Variants in ZNF398 observed in about 807,000 individuals in gnomAD.
ZNF398 encodes the protein zinc finger protein 398, also known as zinc finger DNA binding protein ZER6.
Under a neutral mutation model 41.9 loss-of-function variants are expected in ZNF398, and 18 were observed. The observed-to-expected ratio is 0.43, with a 90% CI of 0.30 to 0.64. ZNF398 has a LOEUF of 0.64. Ranked by LOEUF, ZNF398 falls within the 30% of genes least tolerant of loss-of-function variation. The pLI is 0.14. For missense variants in ZNF398, 669 were observed against 822.8 expected, an observed-to-expected ratio of 0.81 and a Z score of 2.29; for synonymous variants, 260 against 308.8, an observed-to-expected ratio of 0.84 and a Z score of 1.66.
At chr7:149,151,692 A>C (rs1827118280) in intron 1 of ZNF398, among the ~76,000 whole-genome samples, 1 of 152,132 alleles carries the variant, frequency 6.6e-6, no homozygotes, top group Non-Finnish European at 1.5e-5. Flanking sequence ...AAAAAATAAA[A>C]AAAAAATTAA....
At chr7:149,150,239 G>A (rs1827078349) in intron 1 of ZNF398, among the ~76,000 whole-genome samples, 1 of 152,276 alleles carries the variant, frequency 6.6e-6, no homozygotes, top group Non-Finnish European at 1.5e-5. Flanking sequence ...CATCTTCTGA[G>A]AGTGGGGGCT....
At chr7:149,172,880 C>T (rs1795376574) in intron 4 of ZNF398, among the ~76,000 whole-genome samples, 1 of 152,156 alleles carries the variant, frequency 6.6e-6, no homozygotes, top group African/African-American at 2.4e-5. Flanking sequence ...TAAGTTTACA[C>T]TATGCTATAC....
intron 5 of ZNF398, among the ~76,000 whole-genome samples, chr7:149,177,860 T>C (rs1159123058): frequency 6.6e-6 from 1 of 152,146 alleles, no homozygotes; most frequent in African/African-American, 2.4e-5. Context: ...TTAAATTTTC[T>C]GATGAGGGCT....
At chr7:149,160,715 A>G (rs1004288955) in intron 2 of ZNF398, among the ~76,000 whole-genome samples, 2 of 152,176 alleles carry the variant, frequency 1.3e-5, no homozygotes, top group Non-Finnish European at 2.9e-5. Flanking sequence ...TGAATTAAGT[A>G]TGCTTTGCAT....
rs1200821626 is a variant in ZNF398 at position 149,133,696 on chromosome 7, T to C, written c.-490+4752T>C. Among the ~76,000 whole-genome samples, 7 of 89,576 alleles carry C rather than the reference T, an allele frequency of 7.8e-5. No homozygotes were observed. In the South Asian group the frequency reaches 1.3e-3, roughly 17 times the overall value. 58.8% of individuals were successfully genotyped at this position (89,576 alleles called of 152,430 possible). On this transcript the variant is annotated intron_variant, in intron 2 of 6. Transcript: ENST00000426851. ...ATATATATACATATATATGTGTGTA[T>C]ATATATATACACACATATATATGTA... is the stretch of plus-strand genomic sequence containing the variant.
At chr7:149,161,266 T>G (rs923769339) in intron 2 of ZNF398, among the ~76,000 whole-genome samples, 10 of 152,090 alleles carry the variant, frequency 6.6e-5, no homozygotes, top group African/African-American at 2.4e-4. Flanking sequence ...CAAAAACTAG[T>G]TTTTAGGCCA....
chr7:149,177,951 C>A (rs77948536), intron 5 of ZNF398, among the ~76,000 whole-genome samples: 1,905 of 150,566 alleles, frequency 0.013, 17 homozygotes, highest in Non-Finnish European at 0.02. Context: ...GAGTTCGAGA[C>A]CCCTGGTCAA....
At chr7:149,135,078 C>CT (rs1258894888) in intron 2 of ZNF398, among the ~76,000 whole-genome samples, 1 of 152,076 alleles carries the variant, frequency 6.6e-6, no homozygotes, top group African/African-American at 2.4e-5. Context: ...TTAACAAAGC[C>CT]TAGTTGAAGA....
chr7:149,151,157 A>G, intron 1 of ZNF398: 1 of 1,013,014 alleles, frequency 9.9e-7, no homozygotes, highest in Non-Finnish European at 1.2e-6. Flanking sequence ...CACTAAGCTT[A>G]GAAACCATTG....
intron 2 of ZNF398, among the ~76,000 whole-genome samples, chr7:149,159,054 C>A (rs1400506342): frequency 6.7e-6 from 1 of 150,278 alleles, no homozygotes; most frequent in Non-Finnish European, 1.5e-5. Flanking sequence ...TCTCGGCTCA[C>A]TGCAACTTCC....
At chr7:149,157,566 G>A (rs188394676) in intron 2 of ZNF398, among the ~76,000 whole-genome samples, 2,013 of 137,906 alleles carry the variant, frequency 0.015, 39 homozygotes, top group African/African-American at 0.051. Context: ...CCAGCAGGGC[G>A]CGGTGGCTCA....
chr7:149,140,397 T>C (rs1024774302), intron 2 of ZNF398, among the ~76,000 whole-genome samples: 1 of 152,192 alleles, frequency 6.6e-6, no homozygotes, highest in African/African-American at 2.4e-5. Context: ...AAATACTTTT[T>C]TTTTTGAGAC....
intron 1 of ZNF398, chr7:149,128,780 T>TAAAATAAAATAAAATAAAATAAAACAATA (rs71192757): frequency 7.0e-6 from 1 of 143,420 alleles, no homozygotes; most frequent in Non-Finnish European, 1.5e-5. Context: ...TAAAATAAAA[T>TAAAATAAAATAAAATAAAATAAAACAATA]TATATATATA....
chr7:149,133,033 GACA>G (rs1459978545), intron 2 of ZNF398, among the ~76,000 whole-genome samples: 1 of 151,902 alleles, frequency 6.6e-6, no homozygotes, highest in African/African-American at 2.4e-5. Context: ...CAGCGGTGAG[GACA>G]ACCAGAGGTC....
intron 2 of ZNF398, among the ~76,000 whole-genome samples, chr7:149,156,504 CA>C (rs1184656145): frequency 0.049 from 1,799 of 36,512 alleles, 7 homozygotes; most frequent in East Asian, 0.099. Context: ...GACTCCATCT[CA>C]AAAAAAAAAA....
chr7:149,138,645 A>C (rs1400696398), intron 2 of ZNF398, among the ~76,000 whole-genome samples: 8 of 151,204 alleles, frequency 5.3e-5, no homozygotes, highest in African/African-American at 9.7e-5. Context: ...AAAATAAATA[A>C]ATATTGTGTG....
intron 2 of ZNF398, among the ~76,000 whole-genome samples, chr7:149,162,216 C>G (rs1168365888): frequency 6.6e-6 from 1 of 151,718 alleles, no homozygotes; most frequent in Non-Finnish European, 1.5e-5. Context: ...GAGTCTCGCT[C>G]TGTCGCCCAG....
chr7:149,167,009 G>GCTCTGA, intron 4 of ZNF398, 79 bp downstream of exon 4: 1 of 963,226 alleles, frequency 1.0e-6, no homozygotes, highest in Non-Finnish European at 1.6e-6. Flanking sequence ...GCAGGGCTTA[G>GCTCTGA]GGGCTTCTAG....
chr7:149,155,743 T>TTTTTG (rs1794962651), intron 2 of ZNF398, among the ~76,000 whole-genome samples: 1 of 144,662 alleles, frequency 6.9e-6, no homozygotes, highest in African/African-American at 2.6e-5. Context: ...TTTTTTTTTT[T>TTTTTG]TGAGATGGAG....
Sources: gnomAD v4.1 joint callset for allele counts (sites outside exome capture counted in the v4.1 genomes callset) on GRCh38, gnomAD v4.1.1 for gene constraint, MANE v1.5 for transcripts, NCBI Gene and HGNC (gene_info 2026-07-23, HGNC 2026-07-21) for gene names.